ST14: variants seen among roughly 807,000 people sequenced by gnomAD.
The protein encoded by ST14 is ST14 transmembrane serine protease matriptase, also known as suppressor of tumorigenicity 14 protein.
A neutral mutation model predicts 96.5 loss-of-function variants in ST14; 40 were observed. The ratio of observed to expected loss-of-function variants is 0.41; its 90% CI spans 0.32 to 0.54. The LOEUF (loss-of-function observed/expected upper bound fraction) is 0.54. Ranked by LOEUF, ST14 falls within the 20% of genes least tolerant of loss-of-function variation. ST14 has a pLI of 0.17. For missense variants in ST14, 1,066 were observed against 1,188.9 expected (o/e 0.90, Z 1.52); for synonymous variants, 506 against 492.1 (o/e 1.03, Z -0.37).
intron 11 of ST14, 24 bp downstream of exon 11, chr11:130,196,724 G>A (rs771792361): frequency 6.2e-7 from 1 of 1,614,172 alleles, no homozygotes; most frequent in South Asian, 1.1e-5. Flanking sequence ...GTTGGGAGGA[G>A]GGCTGGCGGG....
Position 130,210,114 on chromosome 11 carries a change from C to T in ST14, c.*291C>T, listed in dbSNP as rs959403366. On this transcript the variant is annotated 3_prime_UTR_variant, in exon 19 of 19. Coordinates refer to ENST00000278742, the MANE Select transcript of ST14 (RefSeq NM_021978.4). ...GCCAGCCCCAAGCTGGGCCGAGGCG[C>T]GTTTGTGCATATCTGCCTCCCCTGT... The T allele has an allele frequency of 7.0e-6, 3 of 431,308 alleles. No individual in the cohort carries two copies. The highest frequency in any genetic ancestry group is 1.3e-5 in the Non-Finnish European group (3 of 236,018). The allele number at this position is 431,308 out of a possible 1,614,324, so 26.7% of individuals were successfully genotyped here. A position where few individuals can be genotyped will look rare whatever the true frequency, so the allele number is the denominator to read the frequency against.
Position 130,209,558 on chromosome 11 carries a change from G to T in ST14, c.2386G>T (p.Gly796Cys). The T allele has an allele frequency of 1.3e-6, 2 of 1,574,556 alleles. No individual in the cohort carries two copies. The highest frequency in any genetic ancestry group is 2.3e-5 in the East Asian group (1 of 42,638). ...CATGATGTGCGTGGGCTTCCTCAGC[G>T]GCGGCGTGGACTCCTGCCAGGTGGC... is the stretch of plus-strand genomic sequence containing the variant. The part of the protein sequence containing the change: ...PRMMCVGFLS[G>C]GVDSCQGDSG... Residue 796 changes from glycine (G) to cysteine (C), a missense_variant, in exon 18 of 19, where the codon GGC (glycine) becomes TGC (cysteine). By Grantham distance (159) the Gly-to-Cys change is radical. Transcript: ENST00000278742.
In ST14 at chr11:130,188,212, C is replaced by T. The variant is rs373655320; in HGVS notation, c.180C>T (p.Ala60=). 3.0e-5 allele frequency: 49 copies of T among 1,614,028 alleles called. No individual in the cohort carries two copies. In the African/African-American group the frequency reaches 4.0e-4, roughly 13 times the overall value. ...HGPGRWVVLA[A]VLIGLLLVLL... is the part of the protein sequence containing the mutation. Reference sequence around the variant, plus strand: ...CGGGGCGCTGGGTGGTGCTGGCAGCCGTGCTGATCGGCCTCCTCTTGGTCT... The same window carrying T: ...CGGGGCGCTGGGTGGTGCTGGCAGCTGTGCTGATCGGCCTCCTCTTGGTCT... Residue 60 remains alanine (A), a synonymous_variant, in exon 2 of 19, where the codon GCC becomes GCT. Transcript: ENST00000278742. This position sits in a 1 kb window ranked among gnomAD's most constrained non-coding sequence, Gnocchi z 5.4.
At chr11:130,196,899 C>T (rs1261353193) in intron 11 of ST14, 199 bp downstream of exon 11, 1 of 749,214 alleles carries the variant, frequency 1.3e-6, no homozygotes, top group Non-Finnish European at 2.2e-6. Context: ...TGAGCGCTGG[C>T]ACACACTGTG....
chr11:130,161,913 A>T (rs1953001627), intron 1 of ST14, among the ~76,000 whole-genome samples: 1 of 152,164 alleles, frequency 6.6e-6, no homozygotes, highest in Non-Finnish European at 1.5e-5. Context: ...TGTGAGGCGG[A>T]GTGTCCAGAG....
chr11:130,187,788 G>C lies in ST14; in HGVS notation c.82-326G>C, dbSNP rs901879926. On this transcript the variant is annotated intron_variant, in intron 1 of 18. Coordinates refer to ENST00000278742, the MANE Select transcript of ST14 (RefSeq NM_021978.4). This position sits in a 1 kb window ranked among gnomAD's most constrained non-coding sequence, Gnocchi z 4.5. The stretch of plus-strand genomic sequence containing the variant: ...GGTGATTCACTGAAGGGGAGACCTG[G>C]ATGACCGGGTTCGACAGCCCTTCAT... Among the ~76,000 whole-genome samples the C allele has an allele frequency of 5.9e-5, 9 of 152,202 alleles. 1 individual carries two copies. The highest frequency in any genetic ancestry group is 1.2e-4 in the Non-Finnish European group (8 of 68,032).
intron 1 of ST14, among the ~76,000 whole-genome samples, chr11:130,165,200 C>G (rs1953031845): frequency 6.6e-6 from 1 of 152,204 alleles, no homozygotes; most frequent in Non-Finnish European, 1.5e-5. Context: ...CGGAACAGGG[C>G]TGTCAGCCCA....
intron 1 of ST14, among the ~76,000 whole-genome samples, chr11:130,164,718 C>CTTCTTATTATTATTA (rs1953027463): frequency 7.1e-6 from 1 of 141,590 alleles, no homozygotes; most frequent in African/African-American, 2.7e-5. Context: ...CACACCCAGC[C>CTTCTTATTATTATTA]TTATTATTAT....
At chr11:130,167,084 A>C (rs1376012729) in intron 1 of ST14, among the ~76,000 whole-genome samples, 1 of 152,126 alleles carries the variant, frequency 6.6e-6, no homozygotes, top group East Asian at 1.9e-4. Flanking sequence ...GGCGGTGGGC[A>C]CCTGTAATCC....
intron 7 of ST14, among the ~76,000 whole-genome samples, chr11:130,193,476 C>CTT (rs35659117): frequency 2.7e-4 from 39 of 143,756 alleles, no homozygotes; most frequent in East Asian, 1.2e-3. Context: ...GGGTGTTGCT[C>CTT]TTTTTTTTTT....
In ST14 at chr11:130,188,171, G is replaced by T. The variant is rs764024107; in HGVS notation, c.139G>T (p.Val47Leu). 1.9e-6 allele frequency: 3 copies of T among 1,614,124 alleles called. No homozygotes were observed. Among genetic ancestry groups the T allele is most frequent in the Admixed American group, 1.7e-5 (1 of 60,016 alleles). Residue 47 changes from valine to leucine, a missense_variant, in exon 2 of 19, where the codon GTG becomes TTG. Coordinates refer to ENST00000278742, the MANE Select transcript of ST14 (RefSeq NM_021978.4). The surrounding 1 kb of genome is among the most constrained non-coding windows in gnomAD (Gnocchi z 5.4). The part of the protein sequence containing the change: ...EFLPVNNVKK[V>L]EKHGPGRWVV... Reference sequence around the variant, plus strand: ...CCTGCCAGTCAACAACGTCAAGAAGGTGGAAAAGCATGGCCCGGGGCGCTG... The same window carrying T: ...CCTGCCAGTCAACAACGTCAAGAAGTTGGAAAAGCATGGCCCGGGGCGCTG...
rs1953276705 is a variant in ST14 at position 130,189,842 on chromosome 11, CCCCCG to C, written c.546_550del (p.Pro183GlyfsTer51). The C allele has an allele frequency of 6.2e-7, 1 of 1,613,754 alleles. No homozygotes were observed. Among genetic ancestry groups the C allele is most frequent in the Non-Finnish European group, 8.5e-7 (1 of 1,179,936 alleles). ...GGCCGAGGAGCGCGTAGTCATGCTG[CCCCCG>C]CGGGCGCGCTCCCTGAAGTCCTTTG... is the stretch of plus-strand genomic sequence containing the variant. On this transcript the variant is annotated frameshift_variant, in exon 5 of 19. Transcript: ENST00000278742. LOFTEE classifies it high-confidence loss of function.
chr11:130,191,684 T>G (rs1309707696), intron 7 of ST14, among the ~76,000 whole-genome samples: 1 of 96,276 alleles, frequency 1.0e-5, no homozygotes, highest in African/African-American at 4.2e-5. Context: ...AGCGAGACTC[T>G]GTCTCAAAAA....
intron 1 of ST14, among the ~76,000 whole-genome samples, chr11:130,183,287 C>T (rs1225147091): frequency 6.6e-6 from 1 of 152,212 alleles, no homozygotes; most frequent in East Asian, 1.9e-4. Context: ...TATACACATA[C>T]ATGGTCTGTT....
intron 10 of ST14, 50 bp downstream of exon 10, chr11:130,196,498 G>T: frequency 2.5e-6 from 4 of 1,581,704 alleles, no homozygotes; most frequent in Non-Finnish European, 3.5e-6. Flanking sequence ...GCAGGGGGAG[G>T]GGTCCCACCA....
chr11:130,188,231 T>C lies in ST14; in HGVS notation c.199T>C (p.Leu67=). 1 of 1,614,096 alleles carries C rather than the reference T, an allele frequency of 6.2e-7. No individual in the cohort carries two copies. Among genetic ancestry groups the C allele is most frequent in the Non-Finnish European group, 8.5e-7 (1 of 1,179,968 alleles). ...GGCAGCCGTGCTGATCGGCCTCCTC[T>C]TGGTCTTGCTGGGGATCGGCTTCCT... The part of the protein sequence containing the change: ...VLAAVLIGLL[L]VLLGIGFLVW... Residue 67 remains leucine (L), a synonymous_variant, in exon 2 of 19, where the codon TTG becomes CTG. Coordinates refer to ENST00000278742, the MANE Select transcript of ST14 (RefSeq NM_021978.4). This position sits in a 1 kb window ranked among gnomAD's most constrained non-coding sequence, Gnocchi z 5.4.
chr11:130,182,470 A>G (rs1417874009), intron 1 of ST14, among the ~76,000 whole-genome samples: 2 of 151,424 alleles, frequency 1.3e-5, no homozygotes, highest in Middle Eastern at 3.2e-3. Context: ...CTACAGGTGC[A>G]TGCTGCCATG....
chr11:130,179,061 C>A (rs1161537612), intron 1 of ST14, among the ~76,000 whole-genome samples: 2 of 152,178 alleles, frequency 1.3e-5, no homozygotes, highest in Non-Finnish European at 2.9e-5. Context: ...CCAGCTGAGA[C>A]TCTAAGCCAG....
intron 1 of ST14, among the ~76,000 whole-genome samples, chr11:130,176,326 G>C (rs73034626): frequency 1.8e-3 from 269 of 152,010 alleles, no homozygotes; most frequent in Non-Finnish European, 2.7e-3. Flanking sequence ...CTTGGTCCCA[G>C]GGGTTCCTCC....
Sources: allele counts gnomAD v4.1 joint callset (sites outside exome capture counted in the v4.1 genomes callset), GRCh38; gene constraint gnomAD v4.1.1; non-coding constraint Gnocchi (gnomAD v3.1); transcripts MANE v1.5; gene names NCBI Gene and HGNC (gene_info 2026-07-23, HGNC 2026-07-21).